CDH9: variants seen among roughly 807,000 people sequenced by gnomAD.
The protein encoded by CDH9 is cadherin-9.
Under a neutral mutation model 70.9 loss-of-function variants are expected in CDH9, and 28 were observed. That is an observed-to-expected ratio of 0.40 (90% confidence interval 0.29 to 0.54). CDH9 has a LOEUF of 0.54. Among genes scored for constraint, CDH9 ranks in the 20% least tolerant of loss-of-function variants. CDH9 has a pLI of 0.59. For synonymous variants in CDH9, 409 were observed against 343.1 expected (o/e 1.19, Z -2.12); for missense variants, 874 against 984.4 (o/e 0.89, Z 1.50).
At chr5:27,038,147 T>A (rs1007159153) in intron 1 of CDH9, among the ~76,000 whole-genome samples, 1 of 151,908 alleles carries the variant, frequency 6.6e-6, no homozygotes, top group Non-Finnish European at 1.5e-5. Context: ...CACAATCAAC[T>A]GATACAATTT....
intron 7 of CDH9, chr5:26,890,883 G>C (rs1470397910): frequency 4.5e-6 from 1 of 222,104 alleles, no homozygotes; most frequent in Non-Finnish European, 8.9e-6. Flanking sequence ...CAGTGCTTGA[G>C]ACACTTTAAA....
intron 11 of CDH9, among the ~76,000 whole-genome samples, chr5:26,884,143 A>G (rs994296552): frequency 1.3e-5 from 2 of 152,144 alleles, no homozygotes; most frequent in African/African-American, 2.4e-5. Context: ...AGTGCTTTCC[A>G]TATTGCTCAA....
chr5:26,983,960 AACGTGAAAGTGTC>A (rs1422096853), intron 2 of CDH9, among the ~76,000 whole-genome samples: 15 of 152,160 alleles, frequency 9.9e-5, no homozygotes, highest in African/African-American at 3.6e-4. Context: ...AGCATATGTA[AACGTGAAAGTGTC>A]ACTCCACCTT....
chr5:27,019,112 G>A (rs1284483824), intron 1 of CDH9, among the ~76,000 whole-genome samples: 1 of 151,944 alleles, frequency 6.6e-6, no homozygotes, highest in East Asian at 1.9e-4. Context: ...AGTAACAGGT[G>A]AAATTCAGAA....
chr5:27,032,572 C>CATGTA lies in CDH9; in HGVS notation c.-50+5890_-50+5891insTACAT, dbSNP rs1436013335. Among the ~76,000 whole-genome samples, 29 of 151,738 alleles carry CATGTA rather than the reference C, an allele frequency of 1.9e-4. No homozygotes were observed. In the East Asian group the frequency reaches 5.6e-3, roughly 30 times the overall value. On this transcript the variant is annotated intron_variant, in intron 1 of 11. Transcript: ENST00000231021. ...TCTTCCAACAGTTGAACCTATTCCA[C>CATGTA]TCCCTGCTTAATACATGTGTAAATG...
chr5:26,882,762 T>C (rs1740487930), intron 11 of CDH9, among the ~76,000 whole-genome samples: 1 of 151,620 alleles, frequency 6.6e-6, no homozygotes, highest in Non-Finnish European at 1.5e-5. Flanking sequence ...TCACAGAAAA[T>C]AAGAAAATGT....
At chr5:26,996,088 T>C (rs931093480) in intron 1 of CDH9, among the ~76,000 whole-genome samples, 1 of 152,006 alleles carries the variant, frequency 6.6e-6, no homozygotes, top group African/African-American at 2.4e-5. Context: ...ATGTGCTTTC[T>C]CCTCTCTATA....
chr5:26,979,686 G>A lies in CDH9; in HGVS notation c.228+8420C>T, dbSNP rs376762548. ...ATAGACTTATACAGAAAGGCTGAGA[G>A]CAAGAGAATGATAAAAGATAAACCA... On this transcript the variant is annotated intron_variant, in intron 2 of 11. Transcript: ENST00000231021. Among the ~76,000 whole-genome samples the A allele has an allele frequency of 6.1e-4, 93 of 151,902 alleles. 2 individuals are homozygous for A. In the South Asian group the frequency reaches 0.016, roughly 26 times the overall value.
In CDH9 at chr5:26,902,668, G is replaced by C. The variant is rs1740877060; in HGVS notation, c.1061C>G (p.Pro354Arg). 6.3e-7 allele frequency: 1 copy of C among 1,581,710 alleles called. No homozygotes were observed. The highest frequency in any genetic ancestry group is 1.3e-5 in the African/African-American group (1 of 74,164). ...TCCCAGGTGTAAGAATCGTGGATCA[G>C]GGTGAGTGTTACTTGCATCCACTCT... ...TLRVDASNTH[P>R]DPRFLHLGPF... The change falls in exon 7 of 12, where the codon CCT becomes CGT. Residue 354 changes from proline (P) to arginine (R), a missense_variant. By Grantham distance (103) the Pro-to-Arg change is moderately radical (BLOSUM62 -2). Coordinates refer to ENST00000231021, the MANE Select transcript of CDH9 (RefSeq NM_016279.4).
At chr5:26,981,772 A>T (rs1471919919) in intron 2 of CDH9, among the ~76,000 whole-genome samples, 1 of 152,202 alleles carries the variant, frequency 6.6e-6, no homozygotes, top group African/African-American at 2.4e-5. Flanking sequence ...GCATAAAAAC[A>T]ATAGAAAATC....
intron 3 of CDH9, among the ~76,000 whole-genome samples, chr5:26,910,658 T>C (rs1741035782): frequency 6.6e-6 from 1 of 152,300 alleles, no homozygotes; most frequent in South Asian, 2.1e-4. Context: ...TAGTATGGGC[T>C]TTTTCCTGCC....
At chr5:27,021,806 T>C (rs1474697172) in intron 1 of CDH9, among the ~76,000 whole-genome samples, 2 of 151,920 alleles carry the variant, frequency 1.3e-5, no homozygotes, top group Non-Finnish European at 2.9e-5. Context: ...TACAACAGGA[T>C]TAATTTAATT....
intron 2 of CDH9, among the ~76,000 whole-genome samples, chr5:26,938,532 G>A (rs1396737068): frequency 1.3e-5 from 2 of 151,852 alleles, no homozygotes; most frequent in East Asian, 3.9e-4. Flanking sequence ...GTAATTTGAA[G>A]CAAAAATTAT....
At chr5:26,944,479 G>A (rs1333765704) in intron 2 of CDH9, among the ~76,000 whole-genome samples, 2 of 151,838 alleles carry the variant, frequency 1.3e-5, no homozygotes, top group South Asian at 2.1e-4. Context: ...AGAAGACCCC[G>A]TTTCCCCCCA....
At chr5:26,913,381 A>G (rs1390708698) in intron 3 of CDH9, among the ~76,000 whole-genome samples, 2 of 152,168 alleles carry the variant, frequency 1.3e-5, no homozygotes, top group African/African-American at 4.8e-5. Flanking sequence ...ATTAGTAATG[A>G]AGAATAACAA....
At chr5:26,974,727 C>A (rs1285790447) in intron 2 of CDH9, among the ~76,000 whole-genome samples, 4 of 151,928 alleles carry the variant, frequency 2.6e-5, no homozygotes, top group African/African-American at 9.7e-5. Flanking sequence ...TTAAGGTGTA[C>A]AATATGATGT....
Position 26,885,561 on chromosome 5 carries a change from G to A in CDH9, c.1882+53C>T, listed in dbSNP as rs1279300207. ...TTATTCAGTGCACCATGCTCAGACA[G>A]TGAGGGAGAGATTTTTGTGAGTTAA... On this transcript the variant is annotated intron_variant, in intron 11 of 11. Transcript: ENST00000231021. The A allele has an allele frequency of 8.7e-6, 13 of 1,486,178 alleles. No homozygotes were observed. The Admixed American group carries it at 2.2e-4, about 25-fold the overall frequency. 92.1% of individuals were successfully genotyped at this position (1,486,178 alleles called of 1,614,324 possible). A position where few individuals can be genotyped will look rare whatever the true frequency, so the allele number is the denominator to read the frequency against.
intron 1 of CDH9, among the ~76,000 whole-genome samples, chr5:27,032,437 CATCTT>C (rs906124364): frequency 7.9e-5 from 12 of 151,606 alleles, no homozygotes; most frequent in Admixed American, 5.3e-4. Context: ...CAGAATCTGA[CATCTT>C]ATTTAATGCT....
intron 2 of CDH9, among the ~76,000 whole-genome samples, chr5:26,957,002 C>T (rs1369123931): frequency 1.4e-5 from 2 of 138,910 alleles, no homozygotes; most frequent in Non-Finnish European, 1.5e-5. Context: ...TTTCCATGTG[C>T]TTTTTTTTTT....
Sources: allele counts gnomAD v4.1 joint callset (sites outside exome capture counted in the v4.1 genomes callset), GRCh38; gene constraint gnomAD v4.1.1; transcripts MANE v1.5; gene names NCBI Gene and HGNC (gene_info 2026-07-23, HGNC 2026-07-21).